MAPKAP1: variants seen among roughly 807,000 people sequenced by gnomAD.
MAPKAP1 encodes the protein target of rapamycin complex 2 subunit MAPKAP1.
Under a neutral mutation model 65.7 loss-of-function variants are expected in MAPKAP1, and 20 were observed. The observed-to-expected ratio is 0.30, with a 90% CI of 0.21 to 0.44. The LOEUF (loss-of-function observed/expected upper bound fraction) is 0.44. Among genes scored for constraint, MAPKAP1 ranks in the 20% least tolerant of loss-of-function variants. The pLI is 1.00. For synonymous variants in MAPKAP1, 222 were observed against 244.3 expected, an observed-to-expected ratio of 0.91 and a Z score of 0.85; for missense variants, 423 against 648.0, an observed-to-expected ratio of 0.65 and a Z score of 3.77.
intron 4 of MAPKAP1, among the ~76,000 whole-genome samples, chr9:125,635,735 G>A (rs200879241): frequency 6.6e-6 from 1 of 152,190 alleles, no homozygotes; most frequent in Non-Finnish European, 1.5e-5. Flanking sequence ...TCTATGGCTT[G>A]AAGAGAGATA....
At chr9:125,636,010 C>T (rs1319246817) in intron 4 of MAPKAP1, among the ~76,000 whole-genome samples, 2 of 152,156 alleles carry the variant, frequency 1.3e-5, no homozygotes, top group African/African-American at 4.8e-5. Context: ...TGTATGAACT[C>T]CTGGTATCAG....
chr9:125,504,093 G>T (rs1417566594), intron 8 of MAPKAP1, among the ~76,000 whole-genome samples: 2 of 151,776 alleles, frequency 1.3e-5, no homozygotes, highest in Non-Finnish European at 2.9e-5. Context: ...TAGGTCTTTC[G>T]ATATTTACAG....
At chr9:125,549,194 T>G (rs1033043390) in intron 6 of MAPKAP1, among the ~76,000 whole-genome samples, 1 of 152,214 alleles carries the variant, frequency 6.6e-6, no homozygotes, top group African/African-American at 2.4e-5. Context: ...TAAGGAGACA[T>G]TGGAGAATGT....
chr9:125,704,860 T>C (rs560493076), intron 1 of MAPKAP1, among the ~76,000 whole-genome samples: 138 of 152,322 alleles, frequency 9.1e-4, no homozygotes, highest in African/African-American at 3.2e-3. Context: ...TTTATCCCCA[T>C]TAGTTCAATA....
intron 1 of MAPKAP1, among the ~76,000 whole-genome samples, chr9:125,676,500 C>T (rs759480803): frequency 2.0e-5 from 3 of 151,912 alleles, no homozygotes; most frequent in Non-Finnish European, 4.4e-5. Flanking sequence ...GAACATTACG[C>T]TAAGTGAAAT....
Position 125,595,868 on chromosome 9 carries a change from G to A in MAPKAP1, c.499-10141C>T, listed in dbSNP as rs1400664918. The stretch of plus-strand genomic sequence containing the variant: ...TGTCACCTATGCCACTGTGGAGGAG[G>A]TGGATGCAGCCATGAATGCAAGGCC... On this transcript the variant is annotated intron_variant, in intron 4 of 11. Coordinates refer to ENST00000265960, the MANE Select transcript of MAPKAP1 (RefSeq NM_001006617.3). The surrounding 1 kb of genome is among the most constrained non-coding windows in gnomAD (Gnocchi z 4.0). 1.8e-6 allele frequency: 2 copies of A among 1,139,878 alleles called. No homozygotes were observed. The highest frequency in any genetic ancestry group is 4.7e-5 in the East Asian group (2 of 42,812). 70.6% of individuals were successfully genotyped at this position (1,139,878 alleles called of 1,614,324 possible).
At chr9:125,475,585 C>A (rs540141797) in intron 9 of MAPKAP1, among the ~76,000 whole-genome samples, 60 of 152,280 alleles carry the variant, frequency 3.9e-4, no homozygotes, top group Middle Eastern at 3.4e-3. Flanking sequence ...GGCCTGGACA[C>A]GAACGAACGC....
At chr9:125,534,150 T>C (rs893267363) in intron 7 of MAPKAP1, among the ~76,000 whole-genome samples, 1 of 152,158 alleles carries the variant, frequency 6.6e-6, no homozygotes, top group African/African-American at 2.4e-5. Flanking sequence ...AGATGTTGAA[T>C]ATGTAAGTGA....
At chr9:125,453,765 T>C (rs1300984726) in intron 10 of MAPKAP1, among the ~76,000 whole-genome samples, 1 of 152,250 alleles carries the variant, frequency 6.6e-6, no homozygotes, top group Non-Finnish European at 1.5e-5. Flanking sequence ...ATTTTCCAAA[T>C]GTTGACATAT....
chr9:125,582,045 C>CT (rs1278688784), intron 5 of MAPKAP1, among the ~76,000 whole-genome samples: 1 of 151,900 alleles, frequency 6.6e-6, no homozygotes, highest in Non-Finnish European at 1.5e-5. Flanking sequence ...TTCTTTGTAC[C>CT]TCTTTATCTC....
rs77163435 is a variant in MAPKAP1 at position 125,466,282 on chromosome 9, C to T, written c.1345+1690G>A. Among the ~76,000 whole-genome samples, 402 of 152,230 alleles carry T rather than the reference C, an allele frequency of 2.6e-3. 12 individuals are homozygous for T. The East Asian group carries it at 0.031, about 12-fold the overall frequency. On this transcript the variant is annotated intron_variant, in intron 10 of 11. Transcript: ENST00000265960. ...CCCAACCTTCCCCCACCACCCACCC[C>T]GTACCCCTGAGGTCTCTCTGAGATG...
At position 125,585,723 on chromosome 9, in the gene MAPKAP1, T is replaced by C; in HGVS notation, c.503A>G (p.His168Arg). 1 of 1,614,126 alleles carries C rather than the reference T, an allele frequency of 6.2e-7. No individual in the cohort carries two copies. ...CTTCTTGGTTGCTGTTGTACCTACA[T>C]GACCCTGTGGACAGAACAAACACGT... The part of the protein sequence containing the change: ...NEYSKFDGKG[H>R]VGTTATKKID... The change falls in exon 5 of 12, where the codon CAT becomes CGT. Residue 168 changes from histidine (H) to arginine (R), a missense_variant. Around this residue, in one of 6 missense-constraint regions of MAPKAP1, gnomAD observed 98 missense variants for 200.5 expected, o/e 0.49. Coordinates refer to ENST00000265960, the MANE Select transcript of MAPKAP1 (RefSeq NM_001006617.3).
chr9:125,696,976 G>C (rs549396003), intron 1 of MAPKAP1, among the ~76,000 whole-genome samples: 22 of 152,290 alleles, frequency 1.4e-4, no homozygotes, highest in Admixed American at 3.9e-4. Flanking sequence ...ACAGAGATAG[G>C]AGTGGACTCC....
chr9:125,684,231 A>T (rs2131829950), intron 1 of MAPKAP1, among the ~76,000 whole-genome samples: 1 of 152,326 alleles, frequency 6.6e-6, no homozygotes, highest in South Asian at 2.1e-4. Flanking sequence ...ACGATAATGT[A>T]ATGGTTCAAA....
At chr9:125,479,652 C>T (rs1249029403) in intron 9 of MAPKAP1, among the ~76,000 whole-genome samples, 2 of 151,944 alleles carry the variant, frequency 1.3e-5, no homozygotes, top group Non-Finnish European at 2.9e-5. Flanking sequence ...TTGAGTCTCT[C>T]ATCCCCTGAC....
intron 1 of MAPKAP1, among the ~76,000 whole-genome samples, chr9:125,680,592 G>T (rs180705052): frequency 6.6e-6 from 1 of 152,074 alleles, no homozygotes; most frequent in Admixed American, 6.5e-5. Context: ...TGGAGAGTTT[G>T]TTTCTTCTTT....
At chr9:125,564,366 G>A (rs756167255) in intron 5 of MAPKAP1, among the ~76,000 whole-genome samples, 3 of 152,144 alleles carry the variant, frequency 2.0e-5, no homozygotes, top group Admixed American at 6.5e-5. Context: ...TTTAAGTCAC[G>A]AGCCCTCTTT....
intron 5 of MAPKAP1, among the ~76,000 whole-genome samples, chr9:125,576,635 C>A (rs1026467015): frequency 1.3e-5 from 2 of 152,252 alleles, no homozygotes; most frequent in Non-Finnish European, 2.9e-5. Flanking sequence ...TCTCCTGCCT[C>A]AGCCTGCAGA....
chr9:125,652,764 C>A (rs952905886), intron 4 of MAPKAP1, among the ~76,000 whole-genome samples: 1 of 152,120 alleles, frequency 6.6e-6, no homozygotes, highest in Admixed American at 6.5e-5. Context: ...AAAAAAATAG[C>A]CAATCCCCCA....
Sources: allele counts gnomAD v4.1 joint callset (sites outside exome capture counted in the v4.1 genomes callset), GRCh38; gene constraint gnomAD v4.1.1; regional missense constraint gnomAD v4.1.1; non-coding constraint Gnocchi (gnomAD v3.1); transcripts MANE v1.5; gene names NCBI Gene and HGNC (gene_info 2026-07-23, HGNC 2026-07-21).